The following AK1 variants were observed in gnomAD, a reference collection of about 807,000 sequenced individuals.
AK1 encodes adenylate kinase isoenzyme 1.
Under a neutral mutation model 23.9 loss-of-function variants are expected in AK1, and 13 were observed. That is an observed-to-expected ratio of 0.54 (90% confidence interval 0.35 to 0.86). The LOEUF is 0.86. AK1 is among the 40% of genes least tolerant of loss of function. AK1 has a pLI of 0.01. For synonymous variants in AK1, 97 were observed against 102.8 expected, an observed-to-expected ratio of 0.94 and a Z score of 0.34; for missense variants, 214 against 255.1, an observed-to-expected ratio of 0.84 and a Z score of 1.10.
intron 2 of AK1, chr9:127,874,335 T>C (rs942071215): frequency 7.1e-6 from 7 of 985,240 alleles, no homozygotes; most frequent in African/African-American, 7.0e-5. Context: ...GGCCTCTCCA[T>C]GGGGCAGGGT....
chr9:127,871,094 G>A lies in AK1; in HGVS notation c.324+729C>T, dbSNP rs1829397082. Among the ~76,000 whole-genome samples the A allele has an allele frequency of 1.3e-5, 2 of 151,826 alleles. No homozygotes were observed. The highest frequency in any genetic ancestry group is 2.4e-5 in the African/African-American group (1 of 41,048). ...TCCACTGCCGTGTGTGTGCATGTGT[G>A]CACATGCCCCTGGCCTTGTGTGTAT... On this transcript the variant is annotated intron_variant, in intron 5 of 6. Coordinates refer to ENST00000644144, the MANE Select transcript of AK1 (RefSeq NM_000476.3). This position sits in a 1 kb window ranked among gnomAD's most constrained non-coding sequence, Gnocchi z 4.4.
At chr9:127,872,978 A>C (rs1279091074) in intron 3 of AK1, 48 bp downstream of exon 3, 1 of 1,613,826 alleles carries the variant, frequency 6.2e-7, no homozygotes, top group East Asian at 2.2e-5. Flanking sequence ...GGCTCCCTCC[A>C]GTGCCAGTGA....
chr9:127,874,185 T>G (rs1829486077), intron 2 of AK1: 3 of 985,320 alleles, frequency 3.0e-6, no homozygotes, highest in Middle Eastern at 1.0e-3. Flanking sequence ...CGTGTCTCCC[T>G]CTAAGTCCCA....
At position 127,874,279 on chromosome 9, in the gene AK1, G is replaced by C. The variant is rs41305503; in HGVS notation, c.7+332C>G. Reference sequence around the variant, plus strand: ...GGGAAACTGAGTCCCGGAGAGGTACGGGGAATTGCCTTGTCCTCATTAGAC... The same window carrying C: ...GGGAAACTGAGTCCCGGAGAGGTACCGGGAATTGCCTTGTCCTCATTAGAC... On this transcript the variant is annotated intron_variant, in intron 2 of 6. Coordinates refer to ENST00000644144, the MANE Select transcript of AK1 (RefSeq NM_000476.3). The C allele has an allele frequency of 1.0e-5, 10 of 985,300 alleles. No individual in the cohort carries two copies. In the African/African-American group the frequency reaches 1.7e-4, roughly 17 times the overall value. The allele number at this position is 985,300 out of a possible 1,614,324, so 61.0% of individuals were successfully genotyped here. A position where few individuals can be genotyped will look rare whatever the true frequency, so the allele number is the denominator to read the frequency against.
chr9:127,872,878 A>C, intron 3 of AK1, 25 bp from the exon 4 acceptor site: 1 of 1,613,072 alleles, frequency 6.2e-7, no homozygotes, highest in Non-Finnish European at 8.5e-7. Flanking sequence ...CCATTCATAA[A>C]CCCCGAGACA....
chr9:127,874,229 C>G, intron 2 of AK1: 1 of 985,422 alleles, frequency 1.0e-6, no homozygotes, highest in Non-Finnish European at 1.2e-6. Flanking sequence ...AAGACTTCCT[C>G]AAGGCCCACC....
In AK1 at chr9:127,868,591, G is replaced by A; in HGVS notation, c.325-79C>T. ...TCCTCCCCATCTTCCCATCTATGAA[G>A]CCCCAGTAGATACCCCCTCAGACCT... On this transcript the variant is annotated intron_variant, in intron 5 of 6. Coordinates refer to ENST00000644144, the MANE Select transcript of AK1 (RefSeq NM_000476.3). This position sits in a 1 kb window ranked among gnomAD's most constrained non-coding sequence, Gnocchi z 4.1. The A allele has an allele frequency of 2.0e-6, 3 of 1,487,572 alleles. No individual in the cohort carries two copies. The Admixed American group carries it at 5.9e-5, about 29-fold the overall frequency. The allele number at this position is 1,487,572 out of a possible 1,614,324, so 92.1% of individuals were successfully genotyped here.
intron 2 of AK1, chr9:127,874,410 C>T (rs191183756): frequency 6.1e-6 from 6 of 985,342 alleles, no homozygotes; most frequent in Admixed American, 6.1e-5. Flanking sequence ...GGGGAGGCCT[C>T]GTCACGTCTA....
upstream of AK1, chr9:127,877,843 C>G (rs1262610379): frequency 1.3e-5 from 2 of 152,090 alleles, no homozygotes; most frequent in African/African-American, 4.8e-5. This position sits in a 1 kb window ranked among gnomAD's most constrained non-coding sequence, Gnocchi z 5.2. Context: ...ACACCGCACC[C>G]GGCACCGTGT....
chr9:127,866,902 G>A lies in AK1; in HGVS notation c.*1106C>T, dbSNP rs1829259812. 6.6e-6 allele frequency: 1 copy of A among 151,842 alleles called. No individual in the cohort carries two copies. Among genetic ancestry groups the A allele is most frequent in the African/African-American group, 2.4e-5 (1 of 41,288 alleles). 9.4% of individuals were successfully genotyped at this position (151,842 alleles called of 1,614,324 possible). On this transcript the variant is annotated 3_prime_UTR_variant, in exon 7 of 7. Coordinates refer to ENST00000644144, the MANE Select transcript of AK1 (RefSeq NM_000476.3). The stretch of plus-strand genomic sequence containing the variant: ...TGGGGGTGAGGGGGACATTGAGTCT[G>A]TTTTAGAATTGGAAACGGCTCACAG...
chr9:127,868,264 C>A lies in AK1; in HGVS notation c.516+57G>T. The A allele has an allele frequency of 6.5e-7, 1 of 1,526,970 alleles. No homozygotes were observed. Among genetic ancestry groups the A allele is most frequent in the Non-Finnish European group, 8.9e-7 (1 of 1,126,458 alleles). The allele number at this position is 1,526,970 out of a possible 1,614,324, so 94.6% of individuals were successfully genotyped here. On this transcript the variant is annotated intron_variant, in intron 6 of 6. Coordinates refer to ENST00000644144, the MANE Select transcript of AK1 (RefSeq NM_000476.3). This position sits in a 1 kb window ranked among gnomAD's most constrained non-coding sequence, Gnocchi z 4.1. ...CCTGAGGCCACACAGTGAGCTGAGG[C>A]GGAGCCACATAGGAACCCGTTCTTC...
intron 5 of AK1, chr9:127,869,606 A>T (rs1829338129): frequency 6.6e-6 from 1 of 152,396 alleles, no homozygotes; most frequent in South Asian, 2.1e-4. Context: ...CCTAGCGCTC[A>T]TCCCTAGCTC....
intron 1 of AK1, among the ~76,000 whole-genome samples, chr9:127,875,199 C>T (rs1407386125): frequency 6.6e-6 from 1 of 151,998 alleles, no homozygotes; most frequent in Non-Finnish European, 1.5e-5. Context: ...TGAACACAGC[C>T]CTTTACAGTT....
chr9:127,870,141 GA>G (rs1829355518), intron 5 of AK1, among the ~76,000 whole-genome samples: 1 of 151,818 alleles, frequency 6.6e-6, no homozygotes, highest in African/African-American at 2.4e-5. Flanking sequence ...GCAGGGATGG[GA>G]CCAGGGCTGA....
In AK1 at chr9:127,877,060, G is replaced by A. The variant is rs1228170052; in HGVS notation, c.-33+563C>T. 6.6e-6 allele frequency among the ~76,000 whole-genome samples: 1 copy of A among 152,208 alleles called. No homozygotes were observed. Among genetic ancestry groups the A allele is most frequent in the Non-Finnish European group, 1.5e-5 (1 of 68,022 alleles). The stretch of plus-strand genomic sequence containing the variant: ...TGGGCAGTTGGTGTCCCCTCTCTGG[G>A]CCTGTCCTGCTGCTGCTGAGGAGTA... On this transcript the variant is annotated intron_variant, in intron 1 of 6. Transcript: ENST00000644144. This position sits in a 1 kb window ranked among gnomAD's most constrained non-coding sequence, Gnocchi z 5.2.
At chr9:127,874,130 C>T in intron 2 of AK1, 1 of 985,456 alleles carries the variant, frequency 1.0e-6, no homozygotes, top group Non-Finnish European at 1.2e-6. Context: ...ACGGATGGTG[C>T]TGCCAGCAGC....
At position 127,867,773 on chromosome 9, in the gene AK1, G is replaced by T; in HGVS notation, c.*235C>A. 1 of 513,618 alleles carries T rather than the reference G, an allele frequency of 1.9e-6. No individual in the cohort carries two copies. 31.8% of individuals were successfully genotyped at this position (513,618 alleles called of 1,614,324 possible). ...GAGGGTTGAGGGGCTGGGGACTTGCGGCCAGGTAGGCACAAGCACATGAAT... is the reference window on the plus strand; with the variant it reads ...GAGGGTTGAGGGGCTGGGGACTTGCTGCCAGGTAGGCACAAGCACATGAAT... On this transcript the variant is annotated 3_prime_UTR_variant, in exon 7 of 7. Transcript: ENST00000644144.
At position 127,867,775 on chromosome 9, in the gene AK1, C is replaced by A. The variant is rs1216475294; in HGVS notation, c.*233G>T. Reference sequence around the variant, plus strand: ...GGGTTGAGGGGCTGGGGACTTGCGGCCAGGTAGGCACAAGCACATGAATCA... The same window carrying A: ...GGGTTGAGGGGCTGGGGACTTGCGGACAGGTAGGCACAAGCACATGAATCA... On this transcript the variant is annotated 3_prime_UTR_variant, in exon 7 of 7. Transcript: ENST00000644144. 2 of 520,748 alleles carry A rather than the reference C, an allele frequency of 3.8e-6. No homozygotes were observed. The highest frequency in any genetic ancestry group is 3.5e-6 in the Non-Finnish European group (1 of 286,718). 32.3% of individuals were successfully genotyped at this position (520,748 alleles called of 1,614,324 possible).
intron 4 of AK1, 87 bp from the exon 5 acceptor site, chr9:127,872,026 G>T: frequency 8.7e-7 from 1 of 1,150,400 alleles, no homozygotes; most frequent in Non-Finnish European, 1.3e-6. Context: ...CCTGCCACCT[G>T]AAATGCCCTC....
Sources: gnomAD v4.1 joint callset for allele counts (sites outside exome capture counted in the v4.1 genomes callset) on GRCh38, gnomAD v4.1.1 for gene constraint, Gnocchi (gnomAD v3.1) non-coding constraint, MANE v1.5 for transcripts, NCBI Gene and HGNC (gene_info 2026-07-23, HGNC 2026-07-21) for gene names.